Variants in NAF1 observed in about 807,000 individuals in gnomAD.
The protein encoded by NAF1 is nuclear assembly factor 1 ribonucleoprotein.
NAF1 carries 11 observed loss-of-function variants against 40.6 expected under a neutral mutation model. The observed-to-expected ratio is 0.27, with a 90% confidence interval of 0.17 to 0.45. NAF1 has a LOEUF of 0.45. Among genes scored for constraint, NAF1 ranks in the 20% least tolerant of loss-of-function variants. The pLI, the probability that NAF1 is intolerant of heterozygous loss-of-function variation, is 1.00. For missense variants in NAF1, 607 were observed against 611.1 expected, an observed-to-expected ratio of 0.99 and a Z score of 0.07; for synonymous variants, 260 against 228.5, an observed-to-expected ratio of 1.14 and a Z score of -1.24.
At chr4:163,124,097 T>C (rs755905630), downstream of NAF1, among the ~76,000 whole-genome samples, 1 of 152,252 alleles carries the variant, frequency 6.6e-6, no homozygotes, top group Admixed American at 6.5e-5. Context: ...GGCTTGCGCC[T>C]GTAATCTCAG....
At chr4:163,112,913 T>C (rs913222125) in intron 2 of NAF1, among the ~76,000 whole-genome samples, 27 of 152,232 alleles carry the variant, frequency 1.8e-4, no homozygotes, top group African/African-American at 6.0e-4. Context: ...ATTGCAGCTT[T>C]AAGGCTCCCT....
At chr4:163,113,183 T>C (rs1190283388) in intron 2 of NAF1, among the ~76,000 whole-genome samples, 1 of 152,118 alleles carries the variant, frequency 6.6e-6, no homozygotes, top group East Asian at 1.9e-4. Context: ...AAATAATACA[T>C]ATATAGATAG....
At chr4:163,110,350 T>C (rs1730122585) in intron 2 of NAF1, 1 of 678,274 alleles carries the variant, frequency 1.5e-6, no homozygotes, top group Admixed American at 2.1e-5. Flanking sequence ...TTCACATAAC[T>C]GTTACTACAA....
chr4:163,120,334 T>C (rs1730480864), intron 2 of NAF1, among the ~76,000 whole-genome samples: 1 of 152,258 alleles, frequency 6.6e-6, no homozygotes, highest in Admixed American at 6.5e-5. Context: ...CATATCTATC[T>C]ATTACGTTTT....
chr4:163,141,811 A>ATGG, intron 4 of NAF1: 1 of 309,696 alleles, frequency 3.2e-6, no homozygotes, highest in Non-Finnish European at 4.7e-6. Context: ...TGCATTGAAC[A>ATGG]TGGCTGTTTT....
At chr4:163,141,911 T>G in intron 4 of NAF1, 8 of 974,696 alleles carry the variant, frequency 8.2e-6, no homozygotes, top group Non-Finnish European at 9.8e-6. Flanking sequence ...TAATTTTCAT[T>G]AAGGCGTAAA....
At chr4:163,118,760 GA>G (rs112900853) in intron 2 of NAF1, among the ~76,000 whole-genome samples, 20 of 145,400 alleles carry the variant, frequency 1.4e-4, no homozygotes, top group African/African-American at 3.8e-4. Context: ...CTCAAAAAAA[GA>G]AAAAAAAAAG....
chr4:163,130,092 A>G (rs2110878495), intron 7 of NAF1, among the ~76,000 whole-genome samples: 1 of 152,288 alleles, frequency 6.6e-6, no homozygotes, highest in Non-Finnish European at 1.5e-5. Flanking sequence ...CCAGAGTAGC[A>G]TTTTTAAAAA....
exon 3 of NAF1, chr4:163,110,254 C>T: frequency 2.9e-6 from 2 of 701,224 alleles, no homozygotes; most frequent in Non-Finnish European, 5.2e-6. Flanking sequence ...TGTGCTGTCA[C>T]TTTTCGTGGT....
intron 7 of NAF1, among the ~76,000 whole-genome samples, chr4:163,131,594 G>C (rs1252228400): frequency 6.6e-6 from 1 of 152,024 alleles, no homozygotes; most frequent in Non-Finnish European, 1.5e-5. Context: ...AACTCAAAAT[G>C]AATCACAAGT....
At chr4:163,144,465 C>T (rs1560795083) in intron 4 of NAF1, among the ~76,000 whole-genome samples, 1 of 152,164 alleles carries the variant, frequency 6.6e-6, no homozygotes, top group East Asian at 1.9e-4. Context: ...GAAGGTAAAA[C>T]TAATTTAGTA....
At chr4:163,165,036 A>G (rs1732394471) in intron 1 of NAF1, among the ~76,000 whole-genome samples, 1 of 152,144 alleles carries the variant, frequency 6.6e-6, no homozygotes. Context: ...TACTACTTTC[A>G]TGGATAATCC....
Position 163,128,805 on chromosome 4 carries a change from T to C in NAF1, c.*92A>G. ...AATCATTTAGTATTTTACAGTGTTT[T>C]TAAAAATCTAGCTCCATAATCACTC... On this transcript the variant is annotated 3_prime_UTR_variant, in exon 8 of 8. Transcript: ENST00000274054. The C allele has an allele frequency of 7.3e-7, 1 of 1,366,756 alleles. No individual in the cohort carries two copies. The highest frequency in any genetic ancestry group is 9.7e-7 in the Non-Finnish European group (1 of 1,032,210). The allele number at this position is 1,366,756 out of a possible 1,614,324, so 84.7% of individuals were successfully genotyped here. A position where few individuals can be genotyped will look rare whatever the true frequency, so the allele number is the denominator to read the frequency against.
chr4:163,156,449 G>T (rs978149310), intron 2 of NAF1, among the ~76,000 whole-genome samples: 1 of 150,214 alleles, frequency 6.7e-6, no homozygotes, highest in Non-Finnish European at 1.5e-5. Context: ...GAGTAGATAG[G>T]AAAGACTTTT....
At chr4:163,112,269 T>C (rs1730184950) in intron 2 of NAF1, among the ~76,000 whole-genome samples, 1 of 152,076 alleles carries the variant, frequency 6.6e-6, no homozygotes, top group Non-Finnish European at 1.5e-5. Context: ...TAAGTAAAAG[T>C]ACTCTGTAAA....
intron 4 of NAF1, among the ~76,000 whole-genome samples, chr4:163,143,145 ACTTGCCCTGTCATTGAGAAGTG>A (rs571693727): frequency 2.6e-4 from 40 of 152,294 alleles, no homozygotes; most frequent in Admixed American, 2.6e-3. Context: ...GATGCTTTAT[ACTTGCCCTGTCATTGAGAAGTG>A]GTTTTCTAGG....
chr4:163,165,230 CT>C (rs1420658756), intron 1 of NAF1, among the ~76,000 whole-genome samples: 2 of 152,188 alleles, frequency 1.3e-5, no homozygotes, highest in African/African-American at 4.8e-5. Context: ...ACTAAACCTG[CT>C]TCTTCAGTTT....
chr4:163,161,000 G>C (rs1214244964), intron 2 of NAF1, among the ~76,000 whole-genome samples: 3 of 96,018 alleles, frequency 3.1e-5, no homozygotes, highest in African/African-American at 1.3e-4. Flanking sequence ...TTCCCAGAAA[G>C]AATGGACTGT....
At chr4:163,116,797 T>C (rs1450322832) in intron 2 of NAF1, among the ~76,000 whole-genome samples, 1 of 152,208 alleles carries the variant, frequency 6.6e-6, no homozygotes, top group Non-Finnish European at 1.5e-5. Flanking sequence ...ACATAAAAGA[T>C]GCAAAATATA....
Sources: allele counts gnomAD v4.1 joint callset (sites outside exome capture counted in the v4.1 genomes callset), GRCh38; gene constraint gnomAD v4.1.1; transcripts MANE v1.5; gene names NCBI Gene and HGNC (gene_info 2026-07-23, HGNC 2026-07-21).